The following GRM7 variants were observed in gnomAD, a reference collection of about 807,000 sequenced individuals.
The protein encoded by GRM7 is glutamate metabotropic receptor 7.
GRM7 carries 35 observed loss-of-function variants against 84.5 expected under a neutral mutation model. That is an observed-to-expected ratio of 0.41 (90% CI 0.32 to 0.55). The LOEUF (loss-of-function observed/expected upper bound fraction) is 0.55. Among genes scored for constraint, GRM7 ranks in the 20% least tolerant of loss-of-function variants. GRM7 has a pLI of 0.19. For synonymous variants in GRM7, 487 were observed against 455.1 expected, an observed-to-expected ratio of 1.07 and a Z score of -0.89; for missense variants, 1,003 against 1,194.6, an observed-to-expected ratio of 0.84 and a Z score of 2.36.
At chr3:7,678,284 T>C (rs576686504) in intron 8 of GRM7, among the ~76,000 whole-genome samples, 1 of 152,322 alleles carries the variant, frequency 6.6e-6, no homozygotes, top group East Asian at 1.9e-4. Context: ...ATGTATAATT[T>C]ATAATTATAA....
In GRM7 at chr3:7,644,154, GTATATATATATATGTCTGTACATA is replaced by G. The variant is rs1559459673; in HGVS notation, c.2452-35887_2452-35864del. 2.5e-4 allele frequency among the ~76,000 whole-genome samples: 26 copies of G among 102,890 alleles called. 1 individual carries two copies. Among genetic ancestry groups the G allele is most frequent in the African/African-American group, 8.6e-4 (23 of 26,610 alleles). 67.5% of individuals were successfully genotyped at this position (102,890 alleles called of 152,430 possible). A position where few individuals can be genotyped will look rare whatever the true frequency, so the allele number is the denominator to read the frequency against. On this transcript the variant is annotated intron_variant, in intron 8 of 9. Transcript: ENST00000357716. Reference sequence around the variant, plus strand: ...TGTGTGTGTATATATATGTCTGTACGTATATATATATATGTCTGTACATATATATATGTCTGTACGTATATATAT... The same window carrying G: ...TGTGTGTGTATATATATGTCTGTACGTATATATGTCTGTACGTATATATAT...
At chr3:7,637,962 G>A (rs539529504) in intron 8 of GRM7, among the ~76,000 whole-genome samples, 1 of 152,200 alleles carries the variant, frequency 6.6e-6, no homozygotes, top group Admixed American at 6.5e-5. Flanking sequence ...CAACAGGAAC[G>A]GCAGTGTCCA....
chr3:7,468,767 A>T (rs192895610), intron 7 of GRM7, among the ~76,000 whole-genome samples: 1 of 151,838 alleles, frequency 6.6e-6, no homozygotes, highest in African/African-American at 2.4e-5. Context: ...ATGAGATCTG[A>T]TGCTTTTGTA....
chr3:7,492,628 A>G (rs573051094), intron 7 of GRM7, among the ~76,000 whole-genome samples: 2 of 151,990 alleles, frequency 1.3e-5, no homozygotes, highest in African/African-American at 2.4e-5. Flanking sequence ...TATCTATTTT[A>G]TATTTTTTAA....
chr3:7,489,642 T>A (rs1260473328), intron 7 of GRM7, among the ~76,000 whole-genome samples: 2 of 152,146 alleles, frequency 1.3e-5, no homozygotes, highest in East Asian at 3.9e-4. Context: ...GGTTGCACAG[T>A]AGCATGACTC....
At chr3:7,599,862 G>T (rs971917651) in intron 8 of GRM7, among the ~76,000 whole-genome samples, 20 of 151,954 alleles carry the variant, frequency 1.3e-4, no homozygotes, top group Non-Finnish European at 2.9e-4. Context: ...ACACGGTCGT[G>T]GGGGGTGGGG....
intron 1 of GRM7, among the ~76,000 whole-genome samples, chr3:6,916,240 TAAAGG>T (rs1345167950): frequency 2.6e-5 from 4 of 152,168 alleles, no homozygotes; most frequent in African/African-American, 9.7e-5. Context: ...TTGATGGTAC[TAAAGG>T]TACCCACAGG....
At chr3:7,568,467 G>A (rs146471718) in intron 7 of GRM7, among the ~76,000 whole-genome samples, 3,786 of 152,354 alleles carry the variant, frequency 0.025, 68 homozygotes, top group Non-Finnish European at 0.036. Flanking sequence ...CGCTCTCGGC[G>A]CCTCCTCGGC....
intron 2 of GRM7, among the ~76,000 whole-genome samples, chr3:7,181,995 A>G (rs1252212304): frequency 2.6e-5 from 4 of 152,194 alleles, no homozygotes; most frequent in Admixed American, 6.5e-5. Flanking sequence ...CTAATTAACA[A>G]TGGCCTTGGT....
At chr3:7,029,873 A>G (rs1017093828) in intron 1 of GRM7, among the ~76,000 whole-genome samples, 2 of 152,220 alleles carry the variant, frequency 1.3e-5, no homozygotes, top group Non-Finnish European at 1.5e-5. Flanking sequence ...TATGTTGTGT[A>G]TACTTTACCA....
chr3:7,303,966 T>G (rs1016869756), intron 3 of GRM7, among the ~76,000 whole-genome samples: 1 of 151,728 alleles, frequency 6.6e-6, no homozygotes, highest in Admixed American at 6.6e-5. Flanking sequence ...AAGGGAAAAC[T>G]TTTTCATGTG....
chr3:7,220,706 GT>G (rs1696772161), intron 2 of GRM7, among the ~76,000 whole-genome samples: 1 of 152,210 alleles, frequency 6.6e-6, no homozygotes, highest in Non-Finnish European at 1.5e-5. Context: ...AATGTTAGAT[GT>G]TAATAGTAGG....
At chr3:7,601,926 T>G (rs759426730) in intron 8 of GRM7, among the ~76,000 whole-genome samples, 2 of 151,928 alleles carry the variant, frequency 1.3e-5, no homozygotes, top group African/African-American at 2.4e-5. Flanking sequence ...GACTAATCAA[T>G]CAGTGTCCAT....
intron 5 of GRM7, among the ~76,000 whole-genome samples, chr3:7,424,918 C>T (rs949908694): frequency 5.9e-5 from 9 of 152,158 alleles, no homozygotes; most frequent in Admixed American, 4.6e-4. Context: ...CACAACAGCC[C>T]TGACTGTCCA....
At chr3:7,396,650 G>A (rs992972778) in intron 4 of GRM7, among the ~76,000 whole-genome samples, 7 of 152,070 alleles carry the variant, frequency 4.6e-5, no homozygotes, top group African/African-American at 4.8e-5. Flanking sequence ...AGTTATTTAA[G>A]AATCGCATTT....
intron 4 of GRM7, among the ~76,000 whole-genome samples, chr3:7,317,003 G>A (rs1295120173): frequency 6.6e-6 from 1 of 152,064 alleles, no homozygotes; most frequent in Non-Finnish European, 1.5e-5. Context: ...AATAATATGA[G>A]TATAATTTAT....
intron 5 of GRM7, among the ~76,000 whole-genome samples, chr3:7,445,060 T>A (rs1395282910): frequency 6.6e-6 from 1 of 152,162 alleles, no homozygotes; most frequent in Non-Finnish European, 1.5e-5. Flanking sequence ...GTGTCAGTTG[T>A]TCTGGGCGTT....
At chr3:7,309,646 G>A (rs899446303) in intron 4 of GRM7, among the ~76,000 whole-genome samples, 12 of 152,108 alleles carry the variant, frequency 7.9e-5, no homozygotes, top group African/African-American at 2.7e-4. Context: ...TTCAAAATAA[G>A]CAGAAATTGT....
chr3:6,949,939 T>A (rs1692659744), intron 1 of GRM7, among the ~76,000 whole-genome samples: 1 of 152,228 alleles, frequency 6.6e-6, no homozygotes. Context: ...GCATTGGTTA[T>A]TCTAGTTATC....
Sources: allele counts gnomAD v4.1 joint callset (sites outside exome capture counted in the v4.1 genomes callset), GRCh38; gene constraint gnomAD v4.1.1; transcripts MANE v1.5; gene names NCBI Gene and HGNC (gene_info 2026-07-23, HGNC 2026-07-21).